The following STRADB variants were observed in gnomAD, a reference collection of about 807,000 sequenced individuals.
STRADB encodes the protein STE20 related adaptor beta, also known as STE20-related kinase adapter protein beta.
A neutral mutation model predicts 52.1 loss-of-function variants in STRADB; 34 were observed. That is an observed-to-expected ratio of 0.65 (90% CI 0.50 to 0.87). The LOEUF is 0.87. Among genes scored for constraint, STRADB ranks in the 40% least tolerant of loss-of-function variants. The pLI is 0.00. For missense variants in STRADB, 340 were observed against 483.9 expected (o/e 0.70, Z 2.79); for synonymous variants, 133 against 174.5 (o/e 0.76, Z 1.87).
chr2:201,455,414 T>A (rs1952112893), intron 2 of STRADB, among the ~76,000 whole-genome samples: 1 of 126,024 alleles, frequency 7.9e-6, no homozygotes, highest in Non-Finnish European at 1.8e-5. Flanking sequence ...AATGTGGTTT[T>A]TAAAAAAGTA....
intron 3 of STRADB, among the ~76,000 whole-genome samples, chr2:201,464,929 C>T (rs1952275293): frequency 6.6e-6 from 1 of 152,170 alleles, no homozygotes; most frequent in African/African-American, 2.4e-5. Context: ...CACTTGAGGC[C>T]CGAGGGCTCT....
At chr2:201,458,733 G>T in intron 2 of STRADB, 51 bp from the exon 3 acceptor site, 1 of 1,553,130 alleles carries the variant, frequency 6.4e-7, no homozygotes, top group Non-Finnish European at 8.9e-7. Context: ...TACCACCCCT[G>T]CTTATCCTGT....
At chr2:201,460,188 T>G (rs1952191681) in intron 3 of STRADB, among the ~76,000 whole-genome samples, 1 of 152,156 alleles carries the variant, frequency 6.6e-6, no homozygotes, top group Non-Finnish European at 1.5e-5. Flanking sequence ...TACCCTAGTC[T>G]TCTGGTTACC....
Position 201,480,639 on chromosome 2 carries a change from T to A in STRADB, c.*464T>A. 1.0e-6 allele frequency: 1 copy of A among 988,732 alleles called. No homozygotes were observed. Among genetic ancestry groups the A allele is most frequent in the Non-Finnish European group, 1.2e-6 (1 of 831,686 alleles). 61.2% of individuals were successfully genotyped at this position (988,732 alleles called of 1,614,324 possible). Reference sequence around the variant, plus strand: ...CCTTTTCTGGTAGAGGGAAAATGTTTGTGCTTTCCCTTTTTCTTCTGTTAA... The same window carrying A: ...CCTTTTCTGGTAGAGGGAAAATGTTAGTGCTTTCCCTTTTTCTTCTGTTAA... On this transcript the variant is annotated 3_prime_UTR_variant, in exon 12 of 12. Transcript: ENST00000194530.
chr2:201,456,262 C>T (rs897092536), intron 2 of STRADB, among the ~76,000 whole-genome samples: 16 of 152,064 alleles, frequency 1.1e-4, no homozygotes, highest in Admixed American at 7.2e-4. Flanking sequence ...CATAGTTTGC[C>T]GACCCTTACT....
chr2:201,463,447 T>C (rs1440931516), intron 3 of STRADB, among the ~76,000 whole-genome samples: 1 of 152,212 alleles, frequency 6.6e-6, no homozygotes, highest in Non-Finnish European at 1.5e-5. Flanking sequence ...AGCCCCTTTA[T>C]ATGTTCTTTC....
At position 201,470,058 on chromosome 2, in the gene STRADB, A is replaced by T; in HGVS notation, c.193+6A>T. ...TGAGCTCCAAGTAGAAATAGGTAAT[A>T]ATCCTGAATTTCTAATTGACCCTTC... On this transcript the variant is annotated splice_donor_region_variant and intron_variant, in intron 4 of 11. Transcript: ENST00000194530. 1 of 1,596,028 alleles carries T rather than the reference A, an allele frequency of 6.3e-7. No homozygotes were observed. Among genetic ancestry groups the T allele is most frequent in the Middle Eastern group, 1.7e-4 (1 of 6,032 alleles).
At chr2:201,479,025 A>C in intron 10 of STRADB, 1 of 197,950 alleles carries the variant, frequency 5.1e-6, no homozygotes, top group Non-Finnish European at 1.0e-5. Flanking sequence ...GTGAGCCGAG[A>C]TCATGCCACT....
intron 7 of STRADB, among the ~76,000 whole-genome samples, 167 bp from the exon 8 acceptor site, chr2:201,477,452 T>C (rs995893884): frequency 2.0e-5 from 3 of 152,218 alleles, no homozygotes; most frequent in African/African-American, 7.2e-5. Context: ...TCCCTGAACA[T>C]TTCCTGTGTA....
At chr2:201,468,085 CTTTTTTTTTT>C (rs536551120) in intron 3 of STRADB, among the ~76,000 whole-genome samples, 27 of 71,030 alleles carry the variant, frequency 3.8e-4, no homozygotes, top group African/African-American at 1.2e-3. Flanking sequence ...TTTTTTTTTT[CTTTTTTTTTT>C]TTTTTTTTTT....
intron 3 of STRADB, among the ~76,000 whole-genome samples, chr2:201,461,745 T>C (rs921624494): frequency 6.6e-6 from 1 of 152,180 alleles, no homozygotes; most frequent in African/African-American, 2.4e-5. Flanking sequence ...ATAACTCAAT[T>C]AATCTTTGCC....
At chr2:201,462,021 C>G (rs1400445499) in intron 3 of STRADB, among the ~76,000 whole-genome samples, 3 of 152,094 alleles carry the variant, frequency 2.0e-5, no homozygotes, top group African/African-American at 7.2e-5. Flanking sequence ...GTTCTCTGTT[C>G]TGTTCCATTG....
At chr2:201,470,301 C>G (rs183518942) in intron 4 of STRADB, among the ~76,000 whole-genome samples, 12 of 152,242 alleles carry the variant, frequency 7.9e-5, no homozygotes, top group Non-Finnish European at 1.6e-4. Flanking sequence ...ACACTAAATA[C>G]TTATTATTTG....
intron 9 of STRADB, 74 bp from the exon 10 acceptor site, chr2:201,478,283 T>A: frequency 6.3e-7 from 1 of 1,597,942 alleles, no homozygotes; most frequent in Non-Finnish European, 8.5e-7. Flanking sequence ...CTATAGACTC[T>A]TAGGAGCTTT....
At position 201,471,812 on chromosome 2, in the gene STRADB, C is replaced by T. The variant is rs1483907497; in HGVS notation, c.194-1143C>T. On this transcript the variant is annotated intron_variant, in intron 4 of 11. Transcript: ENST00000194530. ...GAACCAGGGTTTCTTGGGAGTAGGG[C>T]CAAGGCAGAGGCATTTTGCAGTAGT... Among the ~76,000 whole-genome samples the T allele has an allele frequency of 2.0e-5, 3 of 152,114 alleles. No homozygotes were observed. In the East Asian group the frequency reaches 5.8e-4, roughly 29 times the overall value.
intron 3 of STRADB, among the ~76,000 whole-genome samples, chr2:201,466,745 T>G (rs1042917638): frequency 3.9e-5 from 6 of 152,194 alleles, no homozygotes; most frequent in African/African-American, 9.7e-5. Context: ...TGAGATGCTT[T>G]TTAAAATAAT....
At chr2:201,453,836 C>T (rs545600062) in intron 1 of STRADB, among the ~76,000 whole-genome samples, 7 of 152,158 alleles carry the variant, frequency 4.6e-5, no homozygotes, top group African/African-American at 1.7e-4. Context: ...TTTAAATTGA[C>T]GGTAATGAAT....
chr2:201,470,188 G>T (rs1952367817), intron 4 of STRADB, 136 bp downstream of exon 4: 2 of 659,050 alleles, frequency 3.0e-6, no homozygotes, highest in Admixed American at 2.7e-5. Context: ...CAGTCAAGTG[G>T]ATTCAATTAA....
At chr2:201,461,889 C>A (rs1342584710) in intron 3 of STRADB, among the ~76,000 whole-genome samples, 1 of 152,136 alleles carries the variant, frequency 6.6e-6, no homozygotes, top group African/African-American at 2.4e-5. Flanking sequence ...TACTTTCATT[C>A]TTCTGCATAC....
Sources: allele counts gnomAD v4.1 joint callset (sites outside exome capture counted in the v4.1 genomes callset), GRCh38; gene constraint gnomAD v4.1.1; transcripts MANE v1.5; gene names NCBI Gene and HGNC (gene_info 2026-07-23, HGNC 2026-07-21).